LAMA3: variants seen among roughly 807,000 people sequenced by gnomAD.
The protein encoded by LAMA3 is laminin subunit alpha 3, also known as laminin subunit alpha-3.
LAMA3 carries 281 observed loss-of-function variants against 402.0 expected under a neutral mutation model. The ratio of observed to expected loss-of-function variants is 0.70; its 90% CI spans 0.63 to 0.77. LAMA3 has a LOEUF of 0.77. Ranked by LOEUF, LAMA3 falls within the 30% of genes least tolerant of loss-of-function variation. LAMA3 has a pLI of 0.00. For missense variants in LAMA3, 3,840 were observed against 4,215.5 expected (o/e 0.91, Z 2.47); for synonymous variants, 1,431 against 1,558.4 (o/e 0.92, Z 1.93).
At chr18:23,741,055 G>A (rs1411386218) in intron 2 of LAMA3, among the ~76,000 whole-genome samples, 5 of 151,846 alleles carry the variant, frequency 3.3e-5, no homozygotes, top group South Asian at 2.1e-4. Flanking sequence ...CCAGGTTCAC[G>A]CCATTCTCCT....
At chr18:23,916,783 C>T (rs1323056377) in intron 60 of LAMA3, 88 bp downstream of exon 60, 2 of 1,270,396 alleles carry the variant, frequency 1.6e-6, no homozygotes, top group Admixed American at 3.4e-5. Flanking sequence ...AAATGACCCA[C>T]TAGATCTGGA....
chr18:23,903,009 A>G lies in LAMA3; in HGVS notation c.6202A>G (p.Arg2068Gly). 1 of 1,581,308 alleles carries G rather than the reference A, an allele frequency of 6.3e-7. No individual in the cohort carries two copies. The change falls in exon 49 of 75, where the codon AGA becomes GGA. Residue 2068 changes from arginine to glycine, a missense_variant and splice_region_variant. By Grantham distance (125) the Arg-to-Gly change is moderately radical. This residue lies in a region of LAMA3 where 891 missense variants were observed against 857.5 expected (regional missense o/e 1.04). Coordinates refer to ENST00000313654, the MANE Select transcript of LAMA3 (RefSeq NM_198129.4). ...ENERALGAIQ[R>G]QVKEINSLQS... The stretch of plus-strand genomic sequence containing the variant: ...AGCAATTTTTTTTTATTTTCTCCAG[A>G]GACAAGTGAAAGAAATAAATTCCCT...
At chr18:23,935,868 G>A (rs1340677023) in intron 67 of LAMA3, among the ~76,000 whole-genome samples, 1 of 152,012 alleles carries the variant, frequency 6.6e-6, no homozygotes, top group Non-Finnish European at 1.5e-5. Context: ...GAATCAGGAG[G>A]GTTCTTCTGG....
chr18:23,745,798 T>C (rs2337191), intron 2 of LAMA3, among the ~76,000 whole-genome samples: 10,705 of 152,216 alleles, frequency 0.07, 774 homozygotes, highest in Admixed American at 0.18. Context: ...TTTTAGAGGG[T>C]TATGTGTGCT....
At chr18:23,930,192 G>A (rs1466267790) in intron 64 of LAMA3, among the ~76,000 whole-genome samples, 1 of 152,158 alleles carries the variant, frequency 6.6e-6, no homozygotes, top group Non-Finnish European at 1.5e-5. Flanking sequence ...AATGACAAGT[G>A]CTGAGATTGC....
At chr18:23,862,630 T>G (rs1209876745) in intron 35 of LAMA3, among the ~76,000 whole-genome samples, 3 of 152,226 alleles carry the variant, frequency 2.0e-5, no homozygotes, top group Non-Finnish European at 2.9e-5. Context: ...TCTCTTTCAC[T>G]TAATACTCCT....
intron 8 of LAMA3, among the ~76,000 whole-genome samples, chr18:23,769,364 T>A (rs947959187): frequency 2.0e-5 from 3 of 152,006 alleles, no homozygotes; most frequent in Non-Finnish European, 4.4e-5. Context: ...CTGGAAAAAA[T>A]TAGAGTATGT....
chr18:23,913,643 C>CT (rs2081510858), intron 56 of LAMA3, among the ~76,000 whole-genome samples: 1 of 152,174 alleles, frequency 6.6e-6, no homozygotes, highest in Non-Finnish European at 1.5e-5. Flanking sequence ...TTAGTTGTCA[C>CT]TAGTGGATCT....
At chr18:23,705,546 A>G (rs1427831946) in intron 1 of LAMA3, among the ~76,000 whole-genome samples, 1 of 151,950 alleles carries the variant, frequency 6.6e-6, no homozygotes, top group Non-Finnish European at 1.5e-5. Context: ...TATATTTGAG[A>G]CAGGGTCTCA....
At chr18:23,864,966 G>A (rs2064318765) in intron 36 of LAMA3, 83 bp downstream of exon 36, 4 of 862,936 alleles carry the variant, frequency 4.6e-6, no homozygotes, top group Non-Finnish European at 5.9e-6. Context: ...CTTGATATGT[G>A]GCCTACAAAA....
intron 73 of LAMA3, 108 bp downstream of exon 73, chr18:23,951,885 C>A (rs2082927713): frequency 8.5e-6 from 7 of 826,846 alleles, no homozygotes; most frequent in South Asian, 2.9e-5. Context: ...AGTGCCTGAC[C>A]AGGGCCAGCC....
At chr18:23,761,162 C>T (rs1330874227) in intron 7 of LAMA3, among the ~76,000 whole-genome samples, 1 of 152,042 alleles carries the variant, frequency 6.6e-6, no homozygotes, top group Non-Finnish European at 1.5e-5. Flanking sequence ...CCATGTTTTC[C>T]CAATCATTAA....
At chr18:23,855,542 C>T (rs912606329) in intron 32 of LAMA3, among the ~76,000 whole-genome samples, 7 of 152,234 alleles carry the variant, frequency 4.6e-5, no homozygotes, top group South Asian at 4.1e-4. Context: ...ACATTTAGTC[C>T]GAGGGTCACA....
At chr18:23,783,753 A>T (rs1376861955) in intron 11 of LAMA3, among the ~76,000 whole-genome samples, 1 of 152,174 alleles carries the variant, frequency 6.6e-6, no homozygotes, top group Non-Finnish European at 1.5e-5. Context: ...CTTTAGAGGG[A>T]AAATAAAATG....
intron 38 of LAMA3, among the ~76,000 whole-genome samples, chr18:23,875,871 C>T (rs972000651): frequency 6.6e-6 from 1 of 152,192 alleles, no homozygotes; most frequent in African/African-American, 2.4e-5. Flanking sequence ...CATCTCCACA[C>T]GTGCCCTGTC....
chr18:23,737,485 C>G (rs865806423), intron 2 of LAMA3, among the ~76,000 whole-genome samples: 15 of 152,216 alleles, frequency 9.9e-5, no homozygotes, highest in Middle Eastern at 3.2e-3. Flanking sequence ...ATGAAAGATG[C>G]CTGCTGGGGT....
rs775099478 is a variant in LAMA3, at chr18:23,827,486, T to A, written c.2823+19T>A. ...GAGAGAGGTGGGCCAGCCTTTTATT[T>A]ATTATCAAAGTTATTACTACCTCCC... On this transcript the variant is annotated intron_variant, in intron 23 of 74. Coordinates refer to ENST00000313654, the MANE Select transcript of LAMA3 (RefSeq NM_198129.4). 1.7e-5 allele frequency: 27 copies of A among 1,613,176 alleles called. No individual in the cohort carries two copies. The highest frequency in any genetic ancestry group is 3.5e-4 in the Middle Eastern group (2 of 5,676).
At chr18:23,945,081 C>T (rs997812451) in intron 69 of LAMA3, among the ~76,000 whole-genome samples, 1 of 151,714 alleles carries the variant, frequency 6.6e-6, no homozygotes, top group African/African-American at 2.4e-5. Context: ...TGCAGTGAGC[C>T]GAGATCACAC....
Position 23,905,531 on chromosome 18 carries a change from A to G in LAMA3, c.6625A>G (p.Lys2209Glu). 6.3e-7 allele frequency: 1 copy of G among 1,595,634 alleles called. No homozygotes were observed. Among genetic ancestry groups the G allele is most frequent in the Non-Finnish European group, 8.6e-7 (1 of 1,163,804 alleles). Residue 2209 changes from lysine (K) to glutamate (E), a missense_variant, in exon 52 of 75, where the codon AAG (lysine) becomes GAG (glutamate). By Grantham distance (56) the Lys-to-Glu change is moderately conservative (BLOSUM62 1). Around this residue, in one of 3 missense-constraint regions of LAMA3, gnomAD observed 891 missense variants for 857.5 expected, o/e 1.04. Coordinates refer to ENST00000313654, the MANE Select transcript of LAMA3 (RefSeq NM_198129.4). ...ASESALQTVI[K>E]EDLPRKAKTL... ...AATGCTTTGCTTTCAGACAGTGATA[A>G]AGGAAGATCTGCCAAGAAAAGCTAA...
Sources: allele counts gnomAD v4.1 joint callset (sites outside exome capture counted in the v4.1 genomes callset), GRCh38; gene constraint gnomAD v4.1.1; regional missense constraint gnomAD v4.1.1; transcripts MANE v1.5; gene names NCBI Gene and HGNC (gene_info 2026-07-23, HGNC 2026-07-21).